Variants in ABLIM1 observed in about 807,000 individuals in gnomAD.
ABLIM1 encodes actin-binding LIM protein 1.
ABLIM1 carries 40 observed loss-of-function variants against 107.0 expected under a neutral mutation model. The ratio of observed to expected loss-of-function variants is 0.37; its 90% CI spans 0.29 to 0.49. ABLIM1 has a LOEUF of 0.49. Ranked by LOEUF, ABLIM1 falls within the 20% of genes least tolerant of loss-of-function variation. The probability of loss-of-function intolerance (pLI) is 0.97; values close to 1 mark genes in which losing one functional copy is unlikely to be tolerated. For missense variants in ABLIM1, 857 were observed against 1,008.5 expected, an observed-to-expected ratio of 0.85 and a Z score of 2.04; for synonymous variants, 357 against 357.3, an observed-to-expected ratio of 1.00 and a Z score of 0.01.
chr10:114,799,324 T>G, the ABLIM1 span, among the ~76,000 whole-genome samples: 1 of 152,210 alleles, frequency 6.6e-6, no homozygotes, highest in East Asian at 1.9e-4. Flanking sequence ...ATCCAGTTCA[T>G]GTAGTTAAAA....
intron 8 of ABLIM1, among the ~76,000 whole-genome samples, chr10:114,476,193 G>A (rs557433380): frequency 1.3e-5 from 2 of 152,316 alleles, no homozygotes; most frequent in South Asian, 2.1e-4. Flanking sequence ...CCAGGTGGAG[G>A]TGCACCAGGT....
chr10:114,759,479 C>A (rs759333112), intron 1 of ABLIM1, among the ~76,000 whole-genome samples: 7 of 152,102 alleles, frequency 4.6e-5, no homozygotes, highest in Non-Finnish European at 8.8e-5. Context: ...AGAATAAAAT[C>A]ATCATGTGAA....
At chr10:114,503,787 A>G (rs562547304) in intron 6 of ABLIM1, among the ~76,000 whole-genome samples, 8 of 152,208 alleles carry the variant, frequency 5.3e-5, no homozygotes, top group Non-Finnish European at 7.4e-5. Context: ...ATCTTTATAA[A>G]ATGGTCTCTA....
intron 1 of ABLIM1, among the ~76,000 whole-genome samples, chr10:114,667,623 T>A (rs1215968063): frequency 1.3e-5 from 2 of 152,218 alleles, no homozygotes; most frequent in African/African-American, 2.4e-5. Context: ...CACATGTCTG[T>A]CAAGATATAG....
intron 1 of ABLIM1, among the ~76,000 whole-genome samples, chr10:114,655,519 T>C (rs17092232): frequency 0.019 from 2,882 of 152,336 alleles, 90 homozygotes; most frequent in African/African-American, 0.066. Flanking sequence ...CATAGAAGCA[T>C]CGAAGTCATT....
Position 114,436,316 on chromosome 10 carries a change from C to T in ABLIM1, c.2281G>A (p.Asp761Asn), listed in dbSNP as rs761985811. 8.1e-6 allele frequency: 13 copies of T among 1,613,762 alleles called. No homozygotes were observed. The highest frequency in any genetic ancestry group is 6.7e-5 in the African/African-American group (5 of 74,826). ...EIFGMSIQEF[D>N]RLPLWRRNDM... ...TTGCGTCTCCAAAGAGGTAACCTGT[C>T]AAACTCCTGTATGGACATTCCAAAG... The change falls in exon 23 of 23, where the codon GAC (aspartate) becomes AAC (asparagine). Residue 761 changes from aspartate (D) to asparagine (N), a missense_variant. Asp to Asn is a conservative substitution (Grantham distance 23). Coordinates refer to ENST00000533213, the MANE Select transcript of ABLIM1 (RefSeq NM_002313.7).
intron 1 of ABLIM1, among the ~76,000 whole-genome samples, chr10:114,628,224 A>T (rs1055566076): frequency 6.6e-6 from 1 of 152,124 alleles, no homozygotes; most frequent in African/African-American, 2.4e-5. Context: ...GTGTCTTAGC[A>T]CCCCACTGCT....
At chr10:114,792,597 CCTT>C in the ABLIM1 span, among the ~76,000 whole-genome samples, 1 of 152,154 alleles carries the variant, frequency 6.6e-6, no homozygotes. Context: ...GCTGGCTGCT[CCTT>C]CTTCTTTCTG....
intron 1 of ABLIM1, among the ~76,000 whole-genome samples, chr10:114,699,945 A>T (rs1010478943): frequency 3.9e-5 from 6 of 152,166 alleles, no homozygotes; most frequent in African/African-American, 1.4e-4. Context: ...GAATTAAGCA[A>T]AAAGTTATTT....
At chr10:114,656,464 G>A (rs1021425040) in intron 1 of ABLIM1, among the ~76,000 whole-genome samples, 3 of 151,948 alleles carry the variant, frequency 2.0e-5, no homozygotes, top group Admixed American at 1.3e-4. Flanking sequence ...ATACACCCAA[G>A]AGCCCTGAAC....
intron 1 of ABLIM1, among the ~76,000 whole-genome samples, chr10:114,625,622 G>T (rs2077739582): frequency 2.0e-5 from 3 of 152,160 alleles, no homozygotes; most frequent in African/African-American, 7.2e-5. Context: ...ACTTGAGTTA[G>T]ATCTTTGATA....
rs1404490971 is a variant in ABLIM1 at position 114,511,451 on chromosome 10, C to T, written c.895-19573G>A. 3.3e-5 allele frequency among the ~76,000 whole-genome samples: 5 copies of T among 151,864 alleles called. 1 individual carries two copies. Among genetic ancestry groups the T allele is most frequent in the African/African-American group, 1.2e-4 (5 of 41,210 alleles). On this transcript the variant is annotated intron_variant, in intron 6 of 22. Coordinates refer to ENST00000533213, the MANE Select transcript of ABLIM1 (RefSeq NM_002313.7). Reference sequence around the variant, plus strand: ...TGCAGTGTCGGCTCACTGCAACCTCCACCTCCTAGGTTCAAGTGATTCTCA... The same window carrying T: ...TGCAGTGTCGGCTCACTGCAACCTCTACCTCCTAGGTTCAAGTGATTCTCA...
At chr10:114,690,641 G>T in intron 1 of ABLIM1, 1 of 714,340 alleles carries the variant, frequency 1.4e-6, no homozygotes, top group Non-Finnish European at 2.5e-6. Flanking sequence ...GATTGACTAT[G>T]GCTGATACTA....
intron 17 of ABLIM1, 70 bp from the exon 18 acceptor site, chr10:114,441,856 A>G: frequency 7.3e-7 from 1 of 1,378,964 alleles, no homozygotes; most frequent in Non-Finnish European, 1.0e-6. Flanking sequence ...TGAAATTGGC[A>G]GTATCTTCTA....
intron 1 of ABLIM1, among the ~76,000 whole-genome samples, chr10:114,649,925 G>A (rs1591732363): frequency 6.6e-6 from 1 of 151,106 alleles, no homozygotes; most frequent in Non-Finnish European, 1.5e-5. Flanking sequence ...GTGCTATCTC[G>A]GCTCACTGCA....
intron 12 of ABLIM1, chr10:114,462,953 C>T (rs946774035): frequency 7.9e-6 from 10 of 1,269,148 alleles, no homozygotes; most frequent in African/African-American, 7.7e-5. Context: ...AAGCTCGGCA[C>T]TAACTCTTGG....
chr10:114,477,817 C>A (rs1011287372), intron 8 of ABLIM1, among the ~76,000 whole-genome samples: 2 of 152,144 alleles, frequency 1.3e-5, no homozygotes, highest in Non-Finnish European at 2.9e-5. Flanking sequence ...CTCTGCCTCC[C>A]AGGTTCAAGC....
chr10:114,542,847 C>T (rs761010778), intron 6 of ABLIM1, among the ~76,000 whole-genome samples: 5 of 152,202 alleles, frequency 3.3e-5, no homozygotes, highest in Non-Finnish European at 7.3e-5. Flanking sequence ...GTGATGGGAC[C>T]GCTCGGACTC....
intron 1 of ABLIM1, among the ~76,000 whole-genome samples, chr10:114,653,287 A>C (rs1301608208): frequency 1.3e-5 from 2 of 152,250 alleles, no homozygotes; most frequent in Non-Finnish European, 2.9e-5. Context: ...TGCGCCTGTA[A>C]TCTCAACACT....
Sources: allele counts gnomAD v4.1 joint callset (sites outside exome capture counted in the v4.1 genomes callset), GRCh38; gene constraint gnomAD v4.1.1; transcripts MANE v1.5; gene names NCBI Gene and HGNC (gene_info 2026-07-23, HGNC 2026-07-21).